Variants in TMEM161B observed in about 807,000 individuals in gnomAD.
TMEM161B encodes transmembrane protein 161B.
TMEM161B carries 34 observed loss-of-function variants against 61.8 expected under a neutral mutation model. The observed-to-expected ratio is 0.55, with a 90% CI of 0.42 to 0.73. TMEM161B has a LOEUF of 0.73. Ranked by LOEUF, TMEM161B falls within the 30% of genes least tolerant of loss-of-function variation. The probability of loss-of-function intolerance (pLI) is 0.00; values close to 1 mark genes in which losing one functional copy is unlikely to be tolerated. For missense variants in TMEM161B, 456 were observed against 558.5 expected (o/e 0.82, Z 1.85); for synonymous variants, 167 against 192.8 (o/e 0.87, Z 1.11).
chr5:88,195,189 T>C lies in TMEM161B; in HGVS notation c.*1022A>G. ...TACACTCACACATAGGCAACACAAA[T>C]AAATTGCTTACTCTGCTGAACTTTC... On this transcript the variant is annotated 3_prime_UTR_variant, in exon 12 of 12. Transcript: ENST00000296595. 1.0e-6 allele frequency: 1 copy of C among 984,882 alleles called. No individual in the cohort carries two copies. Among genetic ancestry groups the C allele is most frequent in the African/African-American group, 1.7e-5 (1 of 57,312 alleles). 61.0% of individuals were successfully genotyped at this position (984,882 alleles called of 1,614,324 possible).
chr5:88,189,989 C>T, exon 13 of TMEM161B: 1 of 688,080 alleles, frequency 1.5e-6, no homozygotes, highest in Non-Finnish European at 2.6e-6. Flanking sequence ...CCAAGTCAGC[C>T]ACAAACGCCA....
intron 9 of TMEM161B, chr5:88,201,662 G>C (rs989141292): frequency 1.3e-5 from 2 of 152,080 alleles, no homozygotes; most frequent in East Asian, 3.8e-4. Flanking sequence ...CTCAAGGAAG[G>C]ATTGGGAATG....
chr5:88,240,710 A>T, intron 2 of TMEM161B, 103 bp downstream of exon 2: 1 of 949,584 alleles, frequency 1.1e-6, no homozygotes. Context: ...TTTTCTTATG[A>T]CTTCCTTTTG....
chr5:88,203,801 A>G (rs1196107997), intron 8 of TMEM161B, among the ~76,000 whole-genome samples: 2 of 61,714 alleles, frequency 3.2e-5, no homozygotes, highest in East Asian at 6.2e-4. Context: ...ATATATATAT[A>G]TATATATATA....
intron 5 of TMEM161B, among the ~76,000 whole-genome samples, chr5:88,215,596 G>A (rs1013984044): frequency 1.3e-5 from 2 of 152,144 alleles, no homozygotes; most frequent in African/African-American, 2.4e-5. Flanking sequence ...AGCTTGGCCT[G>A]TAAGCTCTTC....
intron 5 of TMEM161B, among the ~76,000 whole-genome samples, chr5:88,209,086 T>C (rs181236774): frequency 2.3e-4 from 35 of 152,346 alleles, no homozygotes; most frequent in African/African-American, 7.7e-4. Flanking sequence ...ATGTCAGTAC[T>C]GGAAAAGTTT....
Position 88,195,458 on chromosome 5 carries a change from C to T in TMEM161B, c.*753G>A. The T allele has an allele frequency of 3.1e-6, 3 of 976,386 alleles. No individual in the cohort carries two copies. The highest frequency in any genetic ancestry group is 3.6e-6 in the Non-Finnish European group (3 of 822,408). The allele number at this position is 976,386 out of a possible 1,614,324, so 60.5% of individuals were successfully genotyped here. ...TGATCAGTATTGATAAATATTTTAG[C>T]CTATTAAAAGGAACTAGTTAGGATC... is the stretch of plus-strand genomic sequence containing the variant. On this transcript the variant is annotated 3_prime_UTR_variant, in exon 12 of 12. Coordinates refer to ENST00000296595, the MANE Select transcript of TMEM161B (RefSeq NM_153354.5).
At chr5:88,232,440 A>C (rs762346859) in intron 2 of TMEM161B, among the ~76,000 whole-genome samples, 2 of 152,270 alleles carry the variant, frequency 1.3e-5, no homozygotes, top group Non-Finnish European at 2.9e-5. Flanking sequence ...AAAATGATCC[A>C]GAATAACTCA....
intron 1 of TMEM161B, among the ~76,000 whole-genome samples, chr5:88,253,365 A>G (rs1340693259): frequency 1.3e-5 from 2 of 152,144 alleles, no homozygotes; most frequent in Non-Finnish European, 2.9e-5. Context: ...TTATGGGAAC[A>G]CTCCAATAGA....
downstream of TMEM161B, among the ~76,000 whole-genome samples, chr5:88,191,074 TATA>T (rs1179220404): frequency 1.3e-5 from 2 of 152,238 alleles, no homozygotes; most frequent in Admixed American, 6.5e-5. Flanking sequence ...CTTAAATATT[TATA>T]ATGTCTTCCT....
At chr5:88,197,624 A>T (rs1749897091) in intron 11 of TMEM161B, 45 bp downstream of exon 11, 3 of 1,440,054 alleles carry the variant, frequency 2.1e-6, no homozygotes, top group South Asian at 1.2e-5. Context: ...TATTAATTAT[A>T]GGTAGAAAGT....
intron 1 of TMEM161B, among the ~76,000 whole-genome samples, chr5:88,263,491 A>G (rs985438066): frequency 6.6e-6 from 1 of 152,214 alleles, no homozygotes; most frequent in African/African-American, 2.4e-5. Flanking sequence ...CCAAAAGAAT[A>G]TTCATTTCAC....
chr5:88,202,769 A>G (rs1744665968), intron 9 of TMEM161B, 193 bp downstream of exon 9: 2 of 600,818 alleles, frequency 3.3e-6, no homozygotes, highest in Non-Finnish European at 5.9e-6. Context: ...AATCATTAAC[A>G]TTAACTAATA....
chr5:88,190,065 T>G, downstream of TMEM161B: 1 of 700,432 alleles, frequency 1.4e-6, no homozygotes, highest in Middle Eastern at 3.7e-4. Context: ...AAGAAGCACA[T>G]GGGTTATTTC....
At position 88,195,414 on chromosome 5, in the gene TMEM161B, A is replaced by C. The variant is rs1749464217; in HGVS notation, c.*797T>G. 1.1e-6 allele frequency: 1 copy of C among 919,958 alleles called. No individual in the cohort carries two copies. Among genetic ancestry groups the C allele is most frequent in the Non-Finnish European group, 1.3e-6 (1 of 772,016 alleles). The allele number at this position is 919,958 out of a possible 1,614,324, so 57.0% of individuals were successfully genotyped here. A position where few individuals can be genotyped will look rare whatever the true frequency, so the allele number is the denominator to read the frequency against. On this transcript the variant is annotated 3_prime_UTR_variant, in exon 12 of 12. Transcript: ENST00000296595. ...CATACAGGTAGTCAGCAGGTTTACA[A>C]AGTAATTTCTTTAAAGTCTGATCAG... is the stretch of plus-strand genomic sequence containing the variant.
chr5:88,267,918 G>C (rs1756619106), intron 1 of TMEM161B, among the ~76,000 whole-genome samples: 1 of 152,026 alleles, frequency 6.6e-6, no homozygotes, highest in African/African-American at 2.4e-5. Flanking sequence ...CCTTCCCTCA[G>C]TCTGAAACAA....
chr5:88,264,356 G>A (rs1580754245), intron 1 of TMEM161B, among the ~76,000 whole-genome samples: 2 of 152,142 alleles, frequency 1.3e-5, no homozygotes, highest in Admixed American at 6.5e-5. Flanking sequence ...GGTCATTAGA[G>A]AAATACAAAT....
rs946678480 is a variant in TMEM161B at position 88,195,464 on chromosome 5, A to T, written c.*747T>A. 28 of 979,674 alleles carry T rather than the reference A, an allele frequency of 2.9e-5. No homozygotes were observed. The highest frequency in any genetic ancestry group is 4.7e-5 in the South Asian group (1 of 21,188). The allele number at this position is 979,674 out of a possible 1,614,324, so 60.7% of individuals were successfully genotyped here. On this transcript the variant is annotated 3_prime_UTR_variant, in exon 12 of 12. Coordinates refer to ENST00000296595, the MANE Select transcript of TMEM161B (RefSeq NM_153354.5). ...GTATTGATAAATATTTTAGCCTATT[A>T]AAAGGAACTAGTTAGGATCACAGAA...
In TMEM161B at chr5:88,268,773, T is replaced by C; in HGVS notation, c.-50A>G. The C allele has an allele frequency of 1.2e-6, 2 of 1,613,706 alleles. No homozygotes were observed. Among genetic ancestry groups the C allele is most frequent in the Admixed American group, 1.7e-5 (1 of 59,958 alleles). ...AGACACCCTGGAGTTGCCGGGGCAG[T>C]CCCAAACCTCTTACCTCCCGGTCCT... On this transcript the variant is annotated 5_prime_UTR_variant, in exon 1 of 12. Transcript: ENST00000296595.
Sources: gnomAD v4.1 joint callset for allele counts (sites outside exome capture counted in the v4.1 genomes callset) on GRCh38, gnomAD v4.1.1 for gene constraint, MANE v1.5 for transcripts, NCBI Gene and HGNC (gene_info 2026-07-23, HGNC 2026-07-21) for gene names.